Variants in TRAF3 observed in about 807,000 individuals in gnomAD.
TRAF3 encodes TNF receptor associated factor 3, also known as TNF receptor-associated factor 3.
TRAF3 carries 13 observed loss-of-function variants against 62.3 expected under a neutral mutation model. The observed-to-expected ratio is 0.21, with a 90% confidence interval of 0.14 to 0.33. TRAF3 has a LOEUF of 0.33. Among genes scored for constraint, TRAF3 ranks in the 10% least tolerant of loss-of-function variants. The pLI is 1.00. For synonymous variants in TRAF3, 269 were observed against 283.4 expected (o/e 0.95, Z 0.51); for missense variants, 440 against 741.8 (o/e 0.59, Z 4.73).
At position 102,779,269 on chromosome 14, in the gene TRAF3, C is replaced by CTTTTTTTTTTTTTTT. The variant is rs61309052; in HGVS notation, c.-157+1609_-157+1623dup. ...GAGAGCTGGCCAGGGAGAATTCCAG[C>CTTTTTTTTTTTTTTT]TTTTTTTTTTTTTTTTTTTTTTTTT... On this transcript the variant is annotated intron_variant, in intron 1 of 11. Coordinates refer to ENST00000392745, the MANE Select transcript of TRAF3 (RefSeq NM_145725.3). Among the ~76,000 whole-genome samples, 6 of 123,456 alleles carry CTTTTTTTTTTTTTTT rather than the reference C, an allele frequency of 4.9e-5. 1 individual carries two copies. Among genetic ancestry groups the CTTTTTTTTTTTTTTT allele is most frequent in the Admixed American group, 9.2e-5 (1 of 10,928 alleles). The allele number at this position is 123,456 out of a possible 152,430, so 81.0% of individuals were successfully genotyped here.
intron 1 of TRAF3, among the ~76,000 whole-genome samples, chr14:102,781,059 G>T (rs902365136): frequency 6.6e-6 from 1 of 152,176 alleles, no homozygotes; most frequent in African/African-American, 2.4e-5. Flanking sequence ...TAGAATTCTG[G>T]AAGCGTGGTG....
intron 1 of TRAF3, among the ~76,000 whole-genome samples, chr14:102,800,443 T>C (rs1422793287): frequency 6.6e-6 from 1 of 152,190 alleles, no homozygotes; most frequent in Non-Finnish European, 1.5e-5. Context: ...CCCAGCTGCA[T>C]GAACTTGACC....
chr14:102,892,047 C>CTTTT (rs778938323), intron 9 of TRAF3, among the ~76,000 whole-genome samples: 1 of 121,450 alleles, frequency 8.2e-6, no homozygotes, highest in Non-Finnish European at 1.8e-5. Context: ...CCATGCTGTT[C>CTTTT]TTTTTTTTTT....
intron 2 of TRAF3, among the ~76,000 whole-genome samples, chr14:102,834,409 C>T (rs1004756621): frequency 1.3e-5 from 2 of 151,940 alleles, no homozygotes; most frequent in Non-Finnish European, 1.5e-5. Flanking sequence ...TGAAATTGGA[C>T]CCCTTCCGGC....
At position 102,905,780 on chromosome 14, in the gene TRAF3, C is replaced by T; in HGVS notation, c.1703C>T (p.Pro568Leu). The T allele has an allele frequency of 1.2e-6, 2 of 1,613,226 alleles. No homozygotes were observed. The highest frequency in any genetic ancestry group is 1.7e-6 in the Non-Finnish European group (2 of 1,179,628). The change falls in exon 12 of 12, where the codon CCC (proline) becomes CTC (leucine). Residue 568 changes from proline (P) to leucine (L), a missense_variant. This residue lies in a region of TRAF3 where 59 missense variants were observed against 120.9 expected (regional missense o/e 0.49). Transcript: ENST00000392745. Reference protein sequence around the residue: ...VIVDTSDLPDP With the variant: ...VIVDTSDLPDL ...GTGGATACTTCGGATCTGCCCGATC[C>T]CTGATAAGTAGCTGGGGAGGTGGAT...
chr14:102,868,408 G>A (rs1888133710), intron 2 of TRAF3, among the ~76,000 whole-genome samples: 1 of 152,190 alleles, frequency 6.6e-6, no homozygotes, highest in African/African-American at 2.4e-5. Context: ...CCTTACCAAG[G>A]TACATGGGAG....
chr14:102,835,232 T>C (rs1885925511), intron 2 of TRAF3, among the ~76,000 whole-genome samples: 1 of 152,104 alleles, frequency 6.6e-6, no homozygotes, highest in Non-Finnish European at 1.5e-5. Flanking sequence ...GAATAACTAT[T>C]ATTAAAAAGT....
intron 6 of TRAF3, among the ~76,000 whole-genome samples, chr14:102,883,202 T>C (rs1239065609): frequency 6.6e-6 from 1 of 152,222 alleles, no homozygotes; most frequent in East Asian, 1.9e-4. Context: ...AGGTGGAAAT[T>C]ATATTACAGT....
chr14:102,817,597 A>C (rs1211196448), intron 1 of TRAF3, among the ~76,000 whole-genome samples: 1 of 152,208 alleles, frequency 6.6e-6, no homozygotes, highest in Non-Finnish European at 1.5e-5. Context: ...AGAAAATACC[A>C]GCTTGCCCCT....
chr14:102,894,152 C>T (rs1425872861), intron 9 of TRAF3, among the ~76,000 whole-genome samples: 1 of 152,034 alleles, frequency 6.6e-6, no homozygotes, highest in Admixed American at 6.5e-5. Flanking sequence ...CACGGTGAAA[C>T]CCCGTCTCTA....
chr14:102,850,761 C>T (rs1886990803), intron 2 of TRAF3, among the ~76,000 whole-genome samples: 1 of 148,564 alleles, frequency 6.7e-6, no homozygotes, highest in African/African-American at 2.5e-5. Context: ...AGTTTCTGGT[C>T]TTGGCCCTTC....
intron 6 of TRAF3, among the ~76,000 whole-genome samples, chr14:102,876,949 G>A (rs148260761): frequency 8.6e-4 from 121 of 140,890 alleles, no homozygotes; most frequent in African/African-American, 2.8e-3. Flanking sequence ...CAGTCCTTCC[G>A]CTCAATTCAT....
intron 1 of TRAF3, among the ~76,000 whole-genome samples, chr14:102,792,693 T>C (rs1897870559): frequency 6.6e-6 from 1 of 152,122 alleles, no homozygotes; most frequent in Non-Finnish European, 1.5e-5. Context: ...TGATTTTGTT[T>C]TGTATGTTGA....
chr14:102,798,874 A>C (rs1179483247), intron 1 of TRAF3, among the ~76,000 whole-genome samples: 2 of 152,266 alleles, frequency 1.3e-5, no homozygotes, highest in Non-Finnish European at 2.9e-5. Context: ...TGTTCTCAGG[A>C]AATTCAGACT....
At chr14:102,878,433 T>C (rs2139873093) in intron 6 of TRAF3, among the ~76,000 whole-genome samples, 1 of 146,978 alleles carries the variant, frequency 6.8e-6, no homozygotes, top group East Asian at 2.0e-4. Flanking sequence ...TGTGTGTGTA[T>C]GGGTGAGTGG....
At chr14:102,779,269 C>CTTTTTTTTTTTTTT (rs61309052) in intron 1 of TRAF3, among the ~76,000 whole-genome samples, 8 of 123,456 alleles carry the variant, frequency 6.5e-5, no homozygotes, top group African/African-American at 3.5e-5. Flanking sequence ...AGAATTCCAG[C>CTTTTTTTTTTTTTT]TTTTTTTTTT....
intron 6 of TRAF3, 125 bp downstream of exon 6, chr14:102,876,650 C>T: frequency 7.7e-7 from 1 of 1,295,754 alleles, no homozygotes; most frequent in Non-Finnish European, 1.1e-6. Context: ...ATAATCCGTT[C>T]CACAGGCCTT....
chr14:102,793,623 T>A (rs1333914181), intron 1 of TRAF3, among the ~76,000 whole-genome samples: 1 of 152,172 alleles, frequency 6.6e-6, no homozygotes, highest in Non-Finnish European at 1.5e-5. Context: ...GACACATTCA[T>A]GTTGTAGTGC....
chr14:102,804,243 A>G (rs749703604), intron 1 of TRAF3, among the ~76,000 whole-genome samples: 28 of 152,216 alleles, frequency 1.8e-4, no homozygotes, highest in Non-Finnish European at 3.4e-4. Flanking sequence ...GTGTGTGTCT[A>G]CGCAGACTCC....
Sources: allele counts gnomAD v4.1 joint callset (sites outside exome capture counted in the v4.1 genomes callset), GRCh38; gene constraint gnomAD v4.1.1; regional missense constraint gnomAD v4.1.1; transcripts MANE v1.5; gene names NCBI Gene and HGNC (gene_info 2026-07-23, HGNC 2026-07-21).